TAFA2: variants seen among roughly 807,000 people sequenced by gnomAD.
TAFA2 encodes the protein chemokine-like protein TAFA-2.
TAFA2 carries 7 observed loss-of-function variants against 18.8 expected under a neutral mutation model. The ratio of observed to expected loss-of-function variants is 0.37; its 90% CI spans 0.21 to 0.70. The LOEUF is 0.70. Ranked by LOEUF, TAFA2 falls within the 30% of genes least tolerant of loss-of-function variation. TAFA2 has a pLI of 0.53. For missense variants in TAFA2, 122 were observed against 158.1 expected (o/e 0.77, Z 1.23); for synonymous variants, 60 against 54.2 (o/e 1.11, Z -0.47).
At chr12:62,101,729 G>C (rs1291045091) in intron 1 of TAFA2, among the ~76,000 whole-genome samples, 1 of 152,044 alleles carries the variant, frequency 6.6e-6, no homozygotes, top group Non-Finnish European at 1.5e-5. Flanking sequence ...AATTTTTACT[G>C]TTTACTGAGT....
intron 1 of TAFA2, among the ~76,000 whole-genome samples, chr12:62,056,027 T>C (rs1882178935): frequency 6.6e-6 from 1 of 152,212 alleles, no homozygotes; most frequent in Non-Finnish European, 1.5e-5. Flanking sequence ...AATCAGGATT[T>C]CAGTATATGC....
At chr12:61,861,744 T>G (rs888141680) in intron 2 of TAFA2, among the ~76,000 whole-genome samples, 1 of 152,198 alleles carries the variant, frequency 6.6e-6, no homozygotes, top group Non-Finnish European at 1.5e-5. Flanking sequence ...TCTTTAAAAT[T>G]TGGTTATTAC....
At chr12:62,189,232 A>C (rs1487110585) in intron 1 of TAFA2, among the ~76,000 whole-genome samples, 1 of 152,180 alleles carries the variant, frequency 6.6e-6, no homozygotes, top group Non-Finnish European at 1.5e-5. Context: ...AACACACTAA[A>C]GCCATTTGCC....
At chr12:61,919,834 T>A (rs907358194) in intron 1 of TAFA2, among the ~76,000 whole-genome samples, 2 of 152,086 alleles carry the variant, frequency 1.3e-5, no homozygotes, top group African/African-American at 4.8e-5. Flanking sequence ...AAGTAGAAAA[T>A]GGTGCAATGA....
intron 1 of TAFA2, among the ~76,000 whole-genome samples, chr12:62,245,990 CTTTTT>C (rs376867882): frequency 7.1e-6 from 1 of 140,678 alleles, no homozygotes. Context: ...ATTGTTATTC[CTTTTT>C]TTTTTTTTTG....
At chr12:61,756,353 C>CA (rs562074800) in intron 2 of TAFA2, among the ~76,000 whole-genome samples, 73 of 152,012 alleles carry the variant, frequency 4.8e-4, no homozygotes, top group African/African-American at 1.7e-3. Context: ...TCTATGAAAG[C>CA]AAAAAAATAA....
chr12:61,991,454 A>G (rs937664237), intron 1 of TAFA2, among the ~76,000 whole-genome samples: 1 of 152,212 alleles, frequency 6.6e-6, no homozygotes, highest in South Asian at 2.1e-4. Context: ...AAATCTACAA[A>G]GGCTTCATTT....
intron 1 of TAFA2, among the ~76,000 whole-genome samples, chr12:62,044,952 G>T (rs574000091): frequency 6.6e-6 from 1 of 152,008 alleles, no homozygotes; most frequent in Non-Finnish European, 1.5e-5. Context: ...GTGTTCCTTG[G>T]GCCCTTGGAA....
chr12:61,747,153 G>C (rs915459972), intron 4 of TAFA2, among the ~76,000 whole-genome samples: 21 of 152,152 alleles, frequency 1.4e-4, no homozygotes, highest in East Asian at 9.7e-4. Flanking sequence ...TGCAAATCAA[G>C]ACCACAATGA....
intron 1 of TAFA2, among the ~76,000 whole-genome samples, chr12:62,106,772 C>A (rs1220414978): frequency 6.6e-6 from 1 of 152,172 alleles, no homozygotes; most frequent in Non-Finnish European, 1.5e-5. Flanking sequence ...TGCCTTTCAG[C>A]AAATTAAAAG....
intron 2 of TAFA2, among the ~76,000 whole-genome samples, chr12:61,855,294 C>T (rs1352296929): frequency 2.0e-5 from 3 of 152,166 alleles, no homozygotes; most frequent in Admixed American, 2.0e-4. Flanking sequence ...TCTTAATGAG[C>T]TTGGAAACAT....
At chr12:61,731,060 G>C (rs1043235509) in intron 4 of TAFA2, among the ~76,000 whole-genome samples, 2 of 152,116 alleles carry the variant, frequency 1.3e-5, no homozygotes, top group African/African-American at 4.8e-5. Flanking sequence ...ACCCCTGTGA[G>C]ATAAAGTCAG....
intron 4 of TAFA2, among the ~76,000 whole-genome samples, chr12:61,747,471 T>G (rs971729110): frequency 6.9e-6 from 1 of 145,912 alleles, no homozygotes; most frequent in Non-Finnish European, 1.5e-5. Flanking sequence ...AACCCAAATG[T>G]CCAACAATGA....
In TAFA2 at chr12:62,225,465, C is replaced by T. The variant is rs183603624; in HGVS notation, c.-130+33298G>A. On this transcript the variant is annotated intron_variant, in intron 1 of 5. Transcript: ENST00000551619. ...TTGAAATCAGAAAAGCCTTTCTAAG[C>T]GTGCTTCTAAACTGAAAAGCCATAA... 1.8e-3 allele frequency among the ~76,000 whole-genome samples: 277 copies of T among 152,054 alleles called. 1 individual carries two copies. The highest frequency in any genetic ancestry group is 6.6e-3 in the African/African-American group (272 of 41,470).
chr12:61,759,717 A>C, intron 2 of TAFA2, among the ~76,000 whole-genome samples: 1 of 152,040 alleles, frequency 6.6e-6, no homozygotes, highest in East Asian at 1.9e-4. Flanking sequence ...AAGTCAGGGA[A>C]GCATGATATC....
At chr12:61,773,483 A>G (rs1485463163) in intron 2 of TAFA2, among the ~76,000 whole-genome samples, 6 of 152,060 alleles carry the variant, frequency 3.9e-5, no homozygotes. Flanking sequence ...TCACCAAAAC[A>G]TCATGGTACT....
intron 1 of TAFA2, among the ~76,000 whole-genome samples, chr12:61,953,550 C>T (rs1878541636): frequency 6.6e-6 from 1 of 150,388 alleles, no homozygotes; most frequent in Non-Finnish European, 1.5e-5. Context: ...TTTGCATTAT[C>T]ATTTATTTGC....
At chr12:62,224,007 A>G (rs1687549467) in intron 1 of TAFA2, among the ~76,000 whole-genome samples, 1 of 152,116 alleles carries the variant, frequency 6.6e-6, no homozygotes, top group South Asian at 2.1e-4. Context: ...ATTATTCACA[A>G]TAGCCAAATA....
At chr12:61,913,023 T>C (rs922618061) in intron 1 of TAFA2, among the ~76,000 whole-genome samples, 1 of 152,142 alleles carries the variant, frequency 6.6e-6, no homozygotes. Flanking sequence ...GTATGGTAAA[T>C]AGATGATTTA....
Sources: gnomAD v4.1 joint callset for allele counts (sites outside exome capture counted in the v4.1 genomes callset) on GRCh38, gnomAD v4.1.1 for gene constraint, MANE v1.5 for transcripts, NCBI Gene and HGNC (gene_info 2026-07-23, HGNC 2026-07-21) for gene names.